The following PASK variants were observed in gnomAD, a reference collection of about 807,000 sequenced individuals.
PASK encodes the protein PAS domain containing serine/threonine kinase.
PASK carries 110 observed loss-of-function variants against 121.0 expected under a neutral mutation model. The ratio of observed to expected loss-of-function variants is 0.91; its 90% confidence interval spans 0.78 to 1.06. PASK has a LOEUF of 1.06. Among genes scored for constraint, PASK ranks in the 50% least tolerant of loss-of-function variants. The pLI is 0.00. For synonymous variants in PASK, 686 were observed against 717.8 expected, an observed-to-expected ratio of 0.96 and a Z score of 0.71; for missense variants, 1,643 against 1,702.3, an observed-to-expected ratio of 0.97 and a Z score of 0.61.
rs1286071720 is a variant in PASK at position 241,108,195 on chromosome 2, G to T, written c.3639C>A (p.Ala1213=). 1 of 1,613,898 alleles carries T rather than the reference G, an allele frequency of 6.2e-7. No individual in the cohort carries two copies. The highest frequency in any genetic ancestry group is 1.7e-5 in the Admixed American group (1 of 60,014). ...TGGACACCAGGTATGGCGGGTGTAT[G>T]GCAGCCTCCACGGTCTCCTCCAGCT... is the stretch of plus-strand genomic sequence containing the variant. ...FCELEETVEA[A]IHPPYLVSKE... is the part of the protein sequence containing the mutation. The change falls in exon 16 of 18, where the codon GCC becomes GCA. Residue 1213 remains alanine (A), a synonymous_variant. Coordinates refer to ENST00000234040, the MANE Select transcript of PASK (RefSeq NM_015148.4). This position sits in a 1 kb window ranked among gnomAD's most constrained non-coding sequence, Gnocchi z 5.2.
intron 9 of PASK, among the ~76,000 whole-genome samples, chr2:241,128,290 CA>C (rs1559380369): frequency 6.6e-6 from 1 of 152,004 alleles, no homozygotes; most frequent in African/African-American, 2.4e-5. Flanking sequence ...CAAACACAAA[CA>C]AAAAAAGAAG....
rs1575288317 is a variant in PASK, at chr2:241,127,462, T to C, written c.1464-11A>G. The C allele has an allele frequency of 4.4e-6, 7 of 1,608,946 alleles. No individual in the cohort carries two copies. The highest frequency in any genetic ancestry group is 1.7e-5 in the Admixed American group (1 of 59,992). ...GGGACATTGTCCACCCTGGGGATAA[T>C]GACATGGGTGACCATCATGTAGGGC... is the stretch of plus-strand genomic sequence containing the variant. On this transcript the variant is annotated splice_polypyrimidine_tract_variant and intron_variant, in intron 9 of 17. Transcript: ENST00000234040.
At chr2:241,139,585 G>A (rs1270578212) in intron 4 of PASK, 1 of 638,890 alleles carries the variant, frequency 1.6e-6, no homozygotes, top group Middle Eastern at 2.5e-4. Flanking sequence ...CGGCAGGACT[G>A]CAAAACATTA....
intron 12 of PASK, chr2:241,118,615 T>A (rs750831437): frequency 5.9e-6 from 1 of 168,716 alleles, no homozygotes; most frequent in Non-Finnish European, 1.3e-5. Flanking sequence ...TAAATCTTTA[T>A]GACCTTGGGC....
intron 4 of PASK, among the ~76,000 whole-genome samples, chr2:241,139,187 A>G (rs889584602): frequency 2.6e-5 from 4 of 152,222 alleles, no homozygotes; most frequent in African/African-American, 4.8e-5. Context: ...AGTTCAGTTC[A>G]AGCAATGGGG....
At chr2:241,133,840 G>A (rs925214985) in intron 8 of PASK, 1 of 152,482 alleles carries the variant, frequency 6.6e-6, no homozygotes, top group African/African-American at 2.4e-5. Context: ...AAATTAGCCA[G>A]GCATGGTGCT....
At chr2:241,149,909 C>G (rs550317021), upstream of PASK, 3 of 1,434,172 alleles carry the variant, frequency 2.1e-6, no homozygotes, top group African/African-American at 4.3e-5. Flanking sequence ...CGCAAGTGCC[C>G]CGCACCTGCC....
At chr2:241,145,062 C>T (rs569657945) in intron 1 of PASK, among the ~76,000 whole-genome samples, 3 of 152,258 alleles carry the variant, frequency 2.0e-5, no homozygotes, top group Middle Eastern at 3.4e-3. Flanking sequence ...TACAGGCAGC[C>T]GCCACCACGC....
In PASK at chr2:241,112,327, G is replaced by A. The variant is rs770760526; in HGVS notation, c.3446C>T (p.Ser1149Leu). Reference protein sequence around the residue: ...DFTIKLIDFGSAAYLERGKLF... With the variant: ...DFTIKLIDFGLAAYLERGKLF... Reference sequence around the variant, plus strand: ...TTTTCCCCTTTCCAAGTAGGCGGCCGAGCCAAAGTCTATCAGCTTGATTGT... The same window carrying A: ...TTTTCCCCTTTCCAAGTAGGCGGCCAAGCCAAAGTCTATCAGCTTGATTGT... The change falls in exon 15 of 18, where the codon TCG (serine) becomes TTG (leucine). Residue 1149 changes from serine to leucine, a missense_variant. This residue lies in a region of PASK where 453 missense variants were observed against 511.2 expected (regional missense o/e 0.89). Coordinates refer to ENST00000234040, the MANE Select transcript of PASK (RefSeq NM_015148.4). This position sits in a 1 kb window ranked among gnomAD's most constrained non-coding sequence, Gnocchi z 5.2. 57 of 1,613,438 alleles carry A rather than the reference G, an allele frequency of 3.5e-5. No individual in the cohort carries two copies. The highest frequency in any genetic ancestry group is 4.6e-5 in the Non-Finnish European group (54 of 1,179,722).
rs766410959 is a variant in PASK at position 241,127,354 on chromosome 2, C to T, written c.1561G>A (p.Ala521Thr). The change falls in exon 10 of 18, where the codon GCA (alanine) becomes ACA (threonine). Residue 521 changes from alanine (A) to threonine (T), a missense_variant. By Grantham distance (58) the Ala-to-Thr change is moderately conservative. Transcript: ENST00000234040. ...AGATCCTGTCCGGGGCTCTCTATTG[C>T]CACAGGTTCCTCTCTCCCCAAGGCA... ...ITALGREEPV[A>T]IESPGQDLLG... 2.0e-5 allele frequency: 32 copies of T among 1,614,174 alleles called. 2 individuals are homozygous for T. The South Asian group carries it at 3.2e-4, about 16-fold the overall frequency.
At chr2:241,111,782 C>T (rs1293532254) in intron 15 of PASK, among the ~76,000 whole-genome samples, 1 of 152,222 alleles carries the variant, frequency 6.6e-6, no homozygotes, top group African/African-American at 2.4e-5. Flanking sequence ...GCGACAGCCC[C>T]TCCAGCCAAG....
chr2:241,132,258 A>ATGATAAAATT (rs1672453375), intron 9 of PASK, among the ~76,000 whole-genome samples: 2 of 151,236 alleles, frequency 1.3e-5, no homozygotes, highest in South Asian at 4.2e-4. Flanking sequence ...GACTTTGAAA[A>ATGATAAAATT]TGATAAAATT....
At chr2:241,111,542 GCAGA>G (rs1479284164) in intron 15 of PASK, among the ~76,000 whole-genome samples, 1 of 152,198 alleles carries the variant, frequency 6.6e-6, no homozygotes, top group East Asian at 1.9e-4. Context: ...GGGCACGTCA[GCAGA>G]CAGTCTCCAC....
At position 241,126,803 on chromosome 2, in the gene PASK, C is replaced by T. The variant is rs768777286; in HGVS notation, c.2112G>A (p.Leu704=). 1.2e-6 allele frequency: 2 copies of T among 1,613,924 alleles called. No individual in the cohort carries two copies. The highest frequency in any genetic ancestry group is 1.7e-5 in the Admixed American group (1 of 60,028). ...AGGAGCTGCCCGTGCAGCCACCGCA[C>T]AGGTCTCTGCCTCCCAGATCGCAGG... ...VSSCDLGGRD[L]CGGCTGSSSA... Residue 704 remains leucine (L), a synonymous_variant, in exon 10 of 18, where the codon CTG becomes CTA. Coordinates refer to ENST00000234040, the MANE Select transcript of PASK (RefSeq NM_015148.4).
At chr2:241,126,060 T>G in intron 10 of PASK, 136 bp downstream of exon 10, 1 of 810,424 alleles carries the variant, frequency 1.2e-6, no homozygotes, top group East Asian at 2.7e-5. Flanking sequence ...ATATGCATTC[T>G]CCTTGAAAAC....
chr2:241,113,337 T>C (rs894733245), intron 14 of PASK: 9 of 152,230 alleles, frequency 5.9e-5, no homozygotes, highest in Non-Finnish European at 1.0e-4. Flanking sequence ...TTAATAAATA[T>C]ACGCATATTT....
intron 12 of PASK, among the ~76,000 whole-genome samples, chr2:241,122,094 T>C (rs955239835): frequency 2.6e-5 from 4 of 152,150 alleles, no homozygotes; most frequent in South Asian, 2.1e-4. Flanking sequence ...TATGAAAATA[T>C]GTGATACACA....
chr2:241,142,418 C>A (rs1383764700), intron 2 of PASK, among the ~76,000 whole-genome samples: 1 of 152,180 alleles, frequency 6.6e-6, no homozygotes, highest in Non-Finnish European at 1.5e-5. Context: ...ATAGGAGGCA[C>A]CAACAGACTT....
chr2:241,126,882 G>A lies in PASK; in HGVS notation c.2033C>T (p.Pro678Leu), dbSNP rs989317833. ...QLSLAGALDV[P>L]HAELVPTECQ... ...CTCTGTCGGAACGAGTTCGGCGTGG[G>A]GGACATCCAGGGCTCCTGCAAGGCT... The change falls in exon 10 of 18, where the codon CCC becomes CTC. Residue 678 changes from proline (P) to leucine (L), a missense_variant. By Grantham distance (98) the Pro-to-Leu change is moderately conservative. Around this residue, in one of 3 missense-constraint regions of PASK, gnomAD observed 1,176 missense variants for 1,162.2 expected, o/e 1.01. Transcript: ENST00000234040. The A allele has an allele frequency of 6.2e-7, 1 of 1,613,232 alleles. No homozygotes were observed. Among genetic ancestry groups the A allele is most frequent in the Non-Finnish European group, 8.5e-7 (1 of 1,179,306 alleles).
Sources: gnomAD v4.1 joint callset for allele counts (sites outside exome capture counted in the v4.1 genomes callset) on GRCh38, gnomAD v4.1.1 for gene constraint, gnomAD v4.1.1 regional missense constraint, Gnocchi (gnomAD v3.1) non-coding constraint, MANE v1.5 for transcripts, NCBI Gene and HGNC (gene_info 2026-07-23, HGNC 2026-07-21) for gene names.